Variants in SNX11 observed in about 807,000 individuals in gnomAD.
The protein encoded by SNX11 is sorting nexin-11.
A neutral mutation model predicts 30.7 loss-of-function variants in SNX11; 19 were observed. The ratio of observed to expected loss-of-function variants is 0.62; its 90% CI spans 0.43 to 0.91. The LOEUF is 0.91. SNX11 is among the 40% of genes least tolerant of loss of function. SNX11 has a pLI of 0.00. For missense variants in SNX11, 302 were observed against 326.7 expected (o/e 0.92, Z 0.58); for synonymous variants, 112 against 119.0 (o/e 0.94, Z 0.38).
In SNX11 at chr17:48,121,279, C is replaced by T. The variant is rs141142529; in HGVS notation, c.584C>T (p.Pro195Leu). 45 of 1,614,114 alleles carry T rather than the reference C, an allele frequency of 2.8e-5. No individual in the cohort carries two copies. In the African/African-American group the frequency reaches 3.3e-4, roughly 12 times the overall value. The change falls in exon 7 of 7, where the codon CCG (proline) becomes CTG (leucine). Residue 195 changes from proline (P) to leucine (L), a missense_variant. Coordinates refer to ENST00000359238, the MANE Select transcript of SNX11 (RefSeq NM_013323.3). ...PRSGRRSSPS[P>L]PPSEEKDHLE... ...TCGGGTAGGAGGAGCTCTCCCTCACCGCCTCCCAGTGAAGAAAAGGACCAT... is the reference window on the plus strand; with the variant it reads ...TCGGGTAGGAGGAGCTCTCCCTCACTGCCTCCCAGTGAAGAAAAGGACCAT...
intron 6 of SNX11, among the ~76,000 whole-genome samples, chr17:48,119,931 C>G (rs1351795261): frequency 1.3e-5 from 2 of 152,132 alleles, no homozygotes; most frequent in Non-Finnish European, 2.9e-5. Context: ...TCCCTCCCCC[C>G]CAGCTCCTGG....
chr17:48,111,825 G>A, intron 1 of SNX11: 1 of 560,450 alleles, frequency 1.8e-6, no homozygotes. Context: ...GTCTGAGAAG[G>A]GAGGCAAATC....
chr17:48,121,089 A>G (rs1598341725), intron 6 of SNX11, 146 bp from the exon 7 acceptor site: 2 of 796,880 alleles, frequency 2.5e-6, no homozygotes, highest in Middle Eastern at 3.7e-4. Context: ...AGGCTCAAGC[A>G]ATCTTCTGGC....
chr17:48,115,504 T>C (rs1715756622), intron 4 of SNX11, among the ~76,000 whole-genome samples: 1 of 152,236 alleles, frequency 6.6e-6, no homozygotes, highest in Non-Finnish European at 1.5e-5. Flanking sequence ...TCAACAAATA[T>C]ACAGCTAACA....
At chr17:48,118,403 C>A (rs563491199) in intron 4 of SNX11, among the ~76,000 whole-genome samples, 2 of 152,060 alleles carry the variant, frequency 1.3e-5, no homozygotes, top group South Asian at 2.1e-4. Context: ...CATGGTGAAA[C>A]CCCGTCTCTA....
chr17:48,112,710 G>C, intron 3 of SNX11, 50 bp downstream of exon 3: 1 of 1,222,662 alleles, frequency 8.2e-7, no homozygotes, highest in Non-Finnish European at 1.2e-6. Context: ...CAGGGCTGAG[G>C]GGCTTGTACT....
At chr17:48,116,894 C>T (rs1048732062) in intron 4 of SNX11, among the ~76,000 whole-genome samples, 2 of 146,496 alleles carry the variant, frequency 1.4e-5, no homozygotes, top group African/African-American at 2.5e-5. Context: ...TGGAGTCTTG[C>T]TCCTGTCTCA....
In SNX11 at chr17:48,122,947, C is replaced by T. The variant is rs2063614307; in HGVS notation, c.*1439C>T. 1 of 152,216 alleles carries T rather than the reference C, an allele frequency of 6.6e-6. No individual in the cohort carries two copies. The highest frequency in any genetic ancestry group is 1.5e-5 in the Non-Finnish European group (1 of 68,046). 9.4% of individuals were successfully genotyped at this position (152,216 alleles called of 1,614,324 possible). A position where few individuals can be genotyped will look rare whatever the true frequency, so the allele number is the denominator to read the frequency against. ...TGTCTTCCAAAGAGCTGGGATCCAA[C>T]TCTTCTCACAGTTCTGGGCGTGAAC... On this transcript the variant is annotated 3_prime_UTR_variant, in exon 7 of 7. Coordinates refer to ENST00000359238, the MANE Select transcript of SNX11 (RefSeq NM_013323.3).
intron 6 of SNX11, 94 bp downstream of exon 6, chr17:48,119,280 A>G: frequency 2.0e-6 from 2 of 988,992 alleles, no homozygotes; most frequent in Non-Finnish European, 3.1e-6. Flanking sequence ...ATGTCATAGC[A>G]TTGGTAGCCT....
chr17:48,111,078 G>C, intron 1 of SNX11: 1 of 985,264 alleles, frequency 1.0e-6, no homozygotes, highest in African/African-American at 1.7e-5. Context: ...CTGTGCAGCT[G>C]TGGGGTGCTT....
Position 48,112,630 on chromosome 17 carries a change from C to A in SNX11, c.99C>A (p.Asn33Lys). Residue 33 changes from asparagine (N) to lysine (K), a missense_variant, in exon 3 of 7, where the codon AAC becomes AAA. Physicochemically the swap from Asn to Lys is moderately conservative, Grantham distance 94. Coordinates refer to ENST00000359238, the MANE Select transcript of SNX11 (RefSeq NM_013323.3). Reference protein sequence around the residue: ...DPRVQNEGSWNSYVDYKIFLH... With the variant: ...DPRVQNEGSWKSYVDYKIFLH... ...GAGTGCAGAATGAGGGCTCCTGGAA[C>A]TCTTATGTGGATTATAAGATATTCC... 6.2e-7 allele frequency: 1 copy of A among 1,613,172 alleles called. No individual in the cohort carries two copies. Among genetic ancestry groups the A allele is most frequent in the African/African-American group, 1.3e-5 (1 of 74,916 alleles).
intron 3 of SNX11, 84 bp downstream of exon 3, chr17:48,112,744 T>TTTTC: frequency 7.5e-6 from 6 of 795,032 alleles, no homozygotes; most frequent in Non-Finnish European, 9.9e-6. Flanking sequence ...TTTTTTTTTT[T>TTTTC]TTTGAGATGG....
intron 6 of SNX11, 152 bp from the exon 7 acceptor site, chr17:48,121,083 T>G: frequency 1.3e-6 from 1 of 765,374 alleles, no homozygotes; most frequent in Admixed American, 2.8e-5. Flanking sequence ...CCTCCAAGGC[T>G]CAAGCAATCT....
rs138938927 is a variant in SNX11 at position 48,115,911 on chromosome 17, GT to G, written c.230+2520del. 1.1e-3 allele frequency among the ~76,000 whole-genome samples: 153 copies of G among 142,382 alleles called. 1 individual carries two copies. The Middle Eastern group carries it at 0.032, about 30-fold the overall frequency. 93.4% of individuals were successfully genotyped at this position (142,382 alleles called of 152,430 possible). ...AATCCTATATCCTCCAGCCTGGCCT[GT>G]TTTTTTTTTGTTTTGTTTTTCTTTT... On this transcript the variant is annotated intron_variant, in intron 4 of 6. Transcript: ENST00000359238.
chr17:48,119,733 T>C (rs1404562897), intron 6 of SNX11, among the ~76,000 whole-genome samples: 1 of 77,636 alleles, frequency 1.3e-5, no homozygotes, highest in Non-Finnish European at 3.2e-5. Flanking sequence ...ATTATTGGCA[T>C]AAGCCTGGCC....
At chr17:48,115,917 T>TG (rs1000324571) in intron 4 of SNX11, among the ~76,000 whole-genome samples, 3 of 150,508 alleles carry the variant, frequency 2.0e-5, no homozygotes, top group African/African-American at 7.3e-5. Flanking sequence ...GCCTGTTTTT[T>TG]TTTTGTTTTG....
chr17:48,110,608 T>C (rs758879649), intron 1 of SNX11: 72 of 152,698 alleles, frequency 4.7e-4, no homozygotes, highest in Non-Finnish European at 8.2e-4. Flanking sequence ...TGTTTAAAAT[T>C]AATTGTGGGA....
Position 48,119,183 on chromosome 17 carries a change from A to G in SNX11, c.536A>G (p.Lys179Arg), listed in dbSNP as rs2063575249. ...SSHLAKGDQP[K>R]SCCFLPRSGR... is the part of the protein sequence containing the mutation. ...CACCTGGCTAAAGGAGACCAGCCTA[A>G]GAGGTAACTGGAGTACTCTTTGAGA... Residue 179 changes from lysine (K) to arginine (R), a missense_variant, in exon 6 of 7, where the codon AAG becomes AGG. By Grantham distance (26) the Lys-to-Arg change is conservative. Coordinates refer to ENST00000359238, the MANE Select transcript of SNX11 (RefSeq NM_013323.3). The G allele has an allele frequency of 6.2e-7, 1 of 1,612,402 alleles. No homozygotes were observed. Among genetic ancestry groups the G allele is most frequent in the Non-Finnish European group, 8.5e-7 (1 of 1,178,824 alleles).
chr17:48,116,935 G>T (rs544902411), intron 4 of SNX11, among the ~76,000 whole-genome samples: 3 of 149,212 alleles, frequency 2.0e-5, no homozygotes, highest in Non-Finnish European at 4.4e-5. Context: ...GCAGTGGCAC[G>T]ATCTCGGCTC....
Sources: gnomAD v4.1 joint callset for allele counts (sites outside exome capture counted in the v4.1 genomes callset) on GRCh38, gnomAD v4.1.1 for gene constraint, MANE v1.5 for transcripts, NCBI Gene and HGNC (gene_info 2026-07-23, HGNC 2026-07-21) for gene names.